Variants in CCSER1 observed in about 807,000 individuals in gnomAD.
CCSER1 encodes serine-rich coiled-coil domain-containing protein 1.
Under a neutral mutation model 82.0 loss-of-function variants are expected in CCSER1, and 41 were observed. The ratio of observed to expected loss-of-function variants is 0.50; its 90% CI spans 0.39 to 0.65. The LOEUF (loss-of-function observed/expected upper bound fraction) is 0.65, where lower values mean the gene tolerates loss of function less well. Ranked by LOEUF, CCSER1 falls within the 30% of genes least tolerant of loss-of-function variation. CCSER1 has a pLI of 0.00. For synonymous variants in CCSER1, 414 were observed against 383.9 expected, an observed-to-expected ratio of 1.08 and a Z score of -0.92; for missense variants, 1,119 against 1,064.2, an observed-to-expected ratio of 1.05 and a Z score of -0.72.
chr4:91,326,865 T>A (rs1609321), intron 10 of CCSER1, among the ~76,000 whole-genome samples: 116,566 of 152,080 alleles, frequency 0.77, 45,143 homozygotes, highest in East Asian at 0.88. Context: ...CAGCAGTGCC[T>A]CCATTAAATC....
intron 10 of CCSER1, among the ~76,000 whole-genome samples, chr4:91,566,721 G>A (rs1452216623): frequency 6.6e-6 from 1 of 151,732 alleles, no homozygotes; most frequent in Non-Finnish European, 1.5e-5. Flanking sequence ...ATTTCTGTGG[G>A]GTCAGTTGTA....
rs748448193 is a variant in CCSER1 at position 91,598,531 on chromosome 4, GT to G, written c.2218-34del. 2.7e-6 allele frequency: 4 copies of G among 1,504,906 alleles called. No individual in the cohort carries two copies. The African/African-American group carries it at 4.2e-5, about 16-fold the overall frequency. The allele number at this position is 1,504,906 out of a possible 1,614,324, so 93.2% of individuals were successfully genotyped here. A position where few individuals can be genotyped will look rare whatever the true frequency, so the allele number is the denominator to read the frequency against. Reference sequence around the variant, plus strand: ...TGTATTGTATGTATGCTATGAAAGTGTTTTTTTAAGACATCTTTTTCTTTCT... The same window carrying G: ...TGTATTGTATGTATGCTATGAAAGTGTTTTTTAAGACATCTTTTTCTTTCT... On this transcript the variant is annotated intron_variant, in intron 10 of 10. Transcript: ENST00000509176.
chr4:90,229,959 A>G (rs1050803554), intron 1 of CCSER1, among the ~76,000 whole-genome samples: 21 of 152,334 alleles, frequency 1.4e-4, no homozygotes, highest in African/African-American at 2.6e-4. Flanking sequence ...AGGAGCACCC[A>G]GATTCATAAG....
intron 10 of CCSER1, among the ~76,000 whole-genome samples, chr4:91,359,923 C>T (rs1412614192): frequency 6.6e-6 from 1 of 151,752 alleles, no homozygotes. Context: ...CCAAGTGTGA[C>T]TTGCATTATC....
At chr4:91,558,604 T>C (rs1762511670) in intron 10 of CCSER1, among the ~76,000 whole-genome samples, 1 of 151,622 alleles carries the variant, frequency 6.6e-6, no homozygotes, top group Non-Finnish European at 1.5e-5. Flanking sequence ...GGACTTACCG[T>C]TCCACATGGC....
intron 9 of CCSER1, among the ~76,000 whole-genome samples, chr4:91,058,709 C>T (rs996328018): frequency 1.3e-5 from 2 of 152,088 alleles, no homozygotes; most frequent in Non-Finnish European, 2.9e-5. Context: ...TGACTCAAGG[C>T]CTTAGAATCC....
intron 3 of CCSER1, among the ~76,000 whole-genome samples, chr4:90,386,840 A>T (rs77738892): frequency 2.0e-5 from 3 of 152,168 alleles, no homozygotes; most frequent in Non-Finnish European, 4.4e-5. Flanking sequence ...CCCAAATGAC[A>T]TCTTTAGAAA....
chr4:91,191,055 A>G (rs1163740390), intron 10 of CCSER1, among the ~76,000 whole-genome samples: 1 of 152,196 alleles, frequency 6.6e-6, no homozygotes, highest in African/African-American at 2.4e-5. Flanking sequence ...TTTGGATAGT[A>G]TGTAATGTCT....
chr4:90,573,668 C>A (rs1780374128), intron 5 of CCSER1, among the ~76,000 whole-genome samples: 1 of 152,134 alleles, frequency 6.6e-6, no homozygotes, highest in African/African-American at 2.4e-5. Flanking sequence ...GGTATTTCTG[C>A]AGAGAGAAAG....
At chr4:91,222,099 A>G (rs971802366) in intron 10 of CCSER1, among the ~76,000 whole-genome samples, 1 of 151,756 alleles carries the variant, frequency 6.6e-6, no homozygotes, top group Non-Finnish European at 1.5e-5. Flanking sequence ...ATATACACAT[A>G]TATAAAGAGA....
At chr4:91,004,073 G>T (rs1245184852) in intron 9 of CCSER1, among the ~76,000 whole-genome samples, 1 of 152,148 alleles carries the variant, frequency 6.6e-6, no homozygotes, top group Non-Finnish European at 1.5e-5. Flanking sequence ...ATTATTTGGG[G>T]TGTCTCCCGG....
intron 7 of CCSER1, among the ~76,000 whole-genome samples, chr4:90,726,736 T>C (rs954402519): frequency 4.6e-5 from 7 of 152,138 alleles, no homozygotes; most frequent in African/African-American, 1.7e-4. Flanking sequence ...CTAGAGTGGT[T>C]TGATTGGTGT....
chr4:91,020,434 G>A (rs1581353439), intron 9 of CCSER1, among the ~76,000 whole-genome samples: 1 of 152,230 alleles, frequency 6.6e-6, no homozygotes, highest in Middle Eastern at 3.4e-3. Flanking sequence ...AGGCCAAGGC[G>A]GGTGGATCAC....
At chr4:90,709,226 C>T (rs994168174) in intron 6 of CCSER1, among the ~76,000 whole-genome samples, 3 of 152,010 alleles carry the variant, frequency 2.0e-5, no homozygotes, top group African/African-American at 4.8e-5. Context: ...TTATTATATA[C>T]ATTAATGATG....
intron 4 of CCSER1, among the ~76,000 whole-genome samples, chr4:90,429,385 G>A (rs929021378): frequency 6.6e-6 from 1 of 151,764 alleles, no homozygotes; most frequent in African/African-American, 2.4e-5. Context: ...ATTTGAATTA[G>A]TAAACTATCT....
chr4:90,479,525 G>A (rs971385539), intron 5 of CCSER1, among the ~76,000 whole-genome samples: 30 of 148,276 alleles, frequency 2.0e-4, no homozygotes, highest in Admixed American at 4.7e-4. Flanking sequence ...ATCCCTCCCC[G>A]CTCCCCCCAC....
intron 10 of CCSER1, among the ~76,000 whole-genome samples, chr4:91,320,824 T>G (rs1018177971): frequency 6.6e-6 from 1 of 152,034 alleles, no homozygotes; most frequent in African/African-American, 2.4e-5. Context: ...TGATTTTTAT[T>G]GCTTAGTAAA....
chr4:90,636,471 A>C (rs1399482239), intron 6 of CCSER1, among the ~76,000 whole-genome samples: 1 of 152,062 alleles, frequency 6.6e-6, no homozygotes, highest in Non-Finnish European at 1.5e-5. Context: ...TAGATGCAAA[A>C]GTCACTTAAA....
In CCSER1 at chr4:90,815,909, C is replaced by T. The variant is rs1313785260; in HGVS notation, c.2094+64C>T. ...CTTTCAAGGTTATTTGTTCCACGCC[C>T]TTATTTATTAACACCAATGGCATTA... On this transcript the variant is annotated intron_variant, in intron 8 of 10. Transcript: ENST00000509176. 4 of 1,049,360 alleles carry T rather than the reference C, an allele frequency of 3.8e-6. No individual in the cohort carries two copies. The Admixed American group carries it at 6.5e-5, about 17-fold the overall frequency. 65.0% of individuals were successfully genotyped at this position (1,049,360 alleles called of 1,614,324 possible).
Sources: gnomAD v4.1 joint callset for allele counts (sites outside exome capture counted in the v4.1 genomes callset) on GRCh38, gnomAD v4.1.1 for gene constraint, MANE v1.5 for transcripts, NCBI Gene and HGNC (gene_info 2026-07-23, HGNC 2026-07-21) for gene names.